The following DLG2 variants were observed in gnomAD, a reference collection of about 807,000 sequenced individuals.
DLG2 encodes the protein discs large MAGUK scaffold protein 2, also known as disks large homolog 2.
DLG2 carries 45 observed loss-of-function variants against 132.5 expected under a neutral mutation model. The observed-to-expected ratio is 0.34, with a 90% CI of 0.27 to 0.44. DLG2 has a LOEUF of 0.44. Among genes scored for constraint, DLG2 ranks in the 20% least tolerant of loss-of-function variants. The pLI is 1.00. For synonymous variants in DLG2, 424 were observed against 419.6 expected, an observed-to-expected ratio of 1.01 and a Z score of -0.13; for missense variants, 1,045 against 1,196.9, an observed-to-expected ratio of 0.87 and a Z score of 1.87.
In DLG2 at chr11:83,458,870, T is replaced by C. The variant is rs1254565751; in HGVS notation, c.*948A>G. ...TTAAGGGATGTGCTGCATGAGAGTG[T>C]ATCACTAATGTGGAAGGGAGGTAAG... On this transcript the variant is annotated 3_prime_UTR_variant, in exon 28 of 28. Coordinates refer to ENST00000376104, the MANE Select transcript of DLG2 (RefSeq NM_001142699.3). 1 of 152,228 alleles carries C rather than the reference T, an allele frequency of 6.6e-6. No individual in the cohort carries two copies. Among genetic ancestry groups the C allele is most frequent in the East Asian group, 1.9e-4 (1 of 5,202 alleles). 9.4% of individuals were successfully genotyped at this position (152,228 alleles called of 1,614,324 possible). A position where few individuals can be genotyped will look rare whatever the true frequency, so the allele number is the denominator to read the frequency against.
intron 6 of DLG2, among the ~76,000 whole-genome samples, chr11:85,109,654 A>G (rs187488894): frequency 6.6e-6 from 1 of 152,278 alleles, no homozygotes; most frequent in African/African-American, 2.4e-5. Flanking sequence ...TTACCAGTGT[A>G]TTAGAGGATC....
chr11:85,054,462 A>C (rs981436789), intron 6 of DLG2, among the ~76,000 whole-genome samples: 2 of 152,178 alleles, frequency 1.3e-5, no homozygotes, highest in Non-Finnish European at 2.9e-5. Flanking sequence ...AGCAGTGTGG[A>C]AATTTCTCAA....
At chr11:83,739,677 T>C (rs1027486610) in intron 18 of DLG2, among the ~76,000 whole-genome samples, 4 of 152,178 alleles carry the variant, frequency 2.6e-5, no homozygotes, top group Admixed American at 2.0e-4. Context: ...GTAAGCTTAT[T>C]TTCCCCCATT....
At chr11:83,571,378 C>T (rs984431878) in intron 19 of DLG2, among the ~76,000 whole-genome samples, 2 of 151,922 alleles carry the variant, frequency 1.3e-5, no homozygotes, top group Non-Finnish European at 2.9e-5. Context: ...CTACCTCCTC[C>T]ACTTATGAAC....
intron 7 of DLG2, among the ~76,000 whole-genome samples, chr11:84,512,405 G>C (rs762549726): frequency 1.3e-5 from 2 of 152,106 alleles, no homozygotes; most frequent in African/African-American, 4.8e-5. Context: ...AGAATCTGAG[G>C]AAATTAAAGG....
chr11:84,987,344 C>T (rs1030654023), intron 6 of DLG2, among the ~76,000 whole-genome samples: 7 of 152,016 alleles, frequency 4.6e-5, no homozygotes, highest in African/African-American at 1.7e-4. Context: ...ACCATACTGT[C>T]AAAAGTAATC....
At chr11:83,660,928 T>C (rs1022292673) in intron 18 of DLG2, among the ~76,000 whole-genome samples, 4 of 152,142 alleles carry the variant, frequency 2.6e-5, no homozygotes, top group African/African-American at 9.7e-5. Context: ...CACAACCCTA[T>C]ATCAAGCACC....
chr11:85,474,987 G>C (rs1322072917), intron 3 of DLG2, among the ~76,000 whole-genome samples: 1 of 150,452 alleles, frequency 6.6e-6, no homozygotes, highest in Non-Finnish European at 1.5e-5. Context: ...GAAAGGAAAA[G>C]GTAACAAAGA....
chr11:83,941,110 T>A (rs1397627626), intron 14 of DLG2, among the ~76,000 whole-genome samples: 1 of 152,206 alleles, frequency 6.6e-6, no homozygotes, highest in East Asian at 1.9e-4. Context: ...TACATTTCTA[T>A]TTTGGAAACA....
rs79106048 is a variant in DLG2 at position 85,323,931 on chromosome 11, G to A, written c.41-38566C>T. Among the ~76,000 whole-genome samples, 53 of 152,206 alleles carry A rather than the reference G, an allele frequency of 3.5e-4. No individual in the cohort carries two copies. The East Asian group carries it at 6.2e-3, about 18-fold the overall frequency. The stretch of plus-strand genomic sequence containing the variant: ...TGGACACTTTGCCAATTCACCACAG[G>A]TGGCTCAGCCCTCCTGTCACTTCCA... On this transcript the variant is annotated intron_variant, in intron 3 of 27. Coordinates refer to ENST00000376104, the MANE Select transcript of DLG2 (RefSeq NM_001142699.3).
chr11:85,128,505 A>G (rs2075375048), intron 5 of DLG2, among the ~76,000 whole-genome samples: 1 of 152,166 alleles, frequency 6.6e-6, no homozygotes, highest in African/African-American at 2.4e-5. Context: ...TTCTGTTCTT[A>G]TATCAAATCC....
intron 6 of DLG2, among the ~76,000 whole-genome samples, chr11:85,077,576 A>C (rs1025247288): frequency 6.6e-6 from 1 of 152,078 alleles, no homozygotes; most frequent in Admixed American, 6.6e-5. Context: ...GGAAAGTTGA[A>C]CCTCACTCAA....
At chr11:84,019,457 T>A (rs2095324086) in intron 11 of DLG2, among the ~76,000 whole-genome samples, 1 of 152,176 alleles carries the variant, frequency 6.6e-6, no homozygotes, top group Admixed American at 6.5e-5. Context: ...GAATTTTGAA[T>A]GTTTCCCTGG....
chr11:84,397,482 A>C (rs1199111384), intron 7 of DLG2, among the ~76,000 whole-genome samples: 2 of 152,222 alleles, frequency 1.3e-5, no homozygotes, highest in Non-Finnish European at 2.9e-5. Flanking sequence ...ATGGAATGCC[A>C]GTAGAGATGA....
chr11:83,581,948 CTT>C (rs71849863), intron 19 of DLG2, among the ~76,000 whole-genome samples: 70 of 52,622 alleles, frequency 1.3e-3, no homozygotes, highest in African/African-American at 5.4e-3. Context: ...AGTTTGGACT[CTT>C]TTTTTTTTTT....
intron 6 of DLG2, among the ~76,000 whole-genome samples, chr11:85,033,717 T>C (rs2061216227): frequency 6.6e-6 from 1 of 152,162 alleles, no homozygotes; most frequent in Non-Finnish European, 1.5e-5. Flanking sequence ...AAATATCTAA[T>C]ACACAAATAG....
At chr11:84,993,843 C>A (rs933513629) in intron 6 of DLG2, among the ~76,000 whole-genome samples, 6 of 152,106 alleles carry the variant, frequency 3.9e-5, no homozygotes, top group Non-Finnish European at 7.4e-5. Context: ...ACTGGCAGAG[C>A]AGAATATCTA....
At chr11:83,477,113 G>T (rs2092683520) in intron 22 of DLG2, among the ~76,000 whole-genome samples, 1 of 152,038 alleles carries the variant, frequency 6.6e-6, no homozygotes, top group African/African-American at 2.4e-5. Context: ...ATAATTATCA[G>T]CTTGCACACA....
chr11:83,997,867 C>T (rs2094134585), intron 11 of DLG2, among the ~76,000 whole-genome samples: 1 of 150,668 alleles, frequency 6.6e-6, no homozygotes, highest in Non-Finnish European at 1.5e-5. Flanking sequence ...GAAGTACTTG[C>T]CAGAAGTCAG....
Sources: gnomAD v4.1 joint callset for allele counts (sites outside exome capture counted in the v4.1 genomes callset) on GRCh38, gnomAD v4.1.1 for gene constraint, MANE v1.5 for transcripts, NCBI Gene and HGNC (gene_info 2026-07-23, HGNC 2026-07-21) for gene names.